CREB5: variants seen among roughly 807,000 people sequenced by gnomAD.
The protein encoded by CREB5 is cyclic AMP-responsive element-binding protein 5.
Under a neutral mutation model 57.1 loss-of-function variants are expected in CREB5, and 19 were observed. The ratio of observed to expected loss-of-function variants is 0.33; its 90% CI spans 0.23 to 0.49. CREB5 has a LOEUF of 0.49. Ranked by LOEUF, CREB5 falls within the 20% of genes least tolerant of loss-of-function variation. The probability of loss-of-function intolerance (pLI) is 0.99; values close to 1 mark genes in which losing one functional copy is unlikely to be tolerated. For missense variants in CREB5, 579 were observed against 671.6 expected (o/e 0.86, Z 1.52); for synonymous variants, 238 against 238.3 (o/e 1.00, Z 0.01).
At chr7:28,709,076 C>G (rs532962212) in intron 5 of CREB5, among the ~76,000 whole-genome samples, 1 of 152,156 alleles carries the variant, frequency 6.6e-6, no homozygotes, top group Non-Finnish European at 1.5e-5. Flanking sequence ...ATGTACAGCA[C>G]TTATTTGAGT....
chr7:28,445,620 C>G (rs1009666639), intron 1 of CREB5, among the ~76,000 whole-genome samples: 6 of 151,734 alleles, frequency 4.0e-5, no homozygotes. Flanking sequence ...GGCGCGATCT[C>G]GGCTCACTGC....
chr7:28,432,105 T>C (rs993953314), intron 1 of CREB5, among the ~76,000 whole-genome samples: 1 of 151,810 alleles, frequency 6.6e-6, no homozygotes, highest in Non-Finnish European at 1.5e-5. Flanking sequence ...TGGGCAAAGA[T>C]AAAAACATGC....
chr7:28,550,620 CCGCCT>C (rs1455909879), intron 4 of CREB5, among the ~76,000 whole-genome samples: 2 of 152,320 alleles, frequency 1.3e-5, no homozygotes, highest in East Asian at 3.9e-4. Flanking sequence ...CTCACCTTCT[CCGCCT>C]CCCACCTATA....
chr7:28,518,588 C>T (rs1343800732), intron 4 of CREB5, among the ~76,000 whole-genome samples: 2 of 152,182 alleles, frequency 1.3e-5, no homozygotes, highest in African/African-American at 4.8e-5. Context: ...GAAGCCTGGG[C>T]TTCTCAGTGC....
intron 4 of CREB5, among the ~76,000 whole-genome samples, chr7:28,567,702 G>A (rs950586697): frequency 6.6e-6 from 1 of 152,208 alleles, no homozygotes; most frequent in Non-Finnish European, 1.5e-5. Flanking sequence ...TGGAGGCAGG[G>A]CAAGGGCATT....
At chr7:28,624,882 G>A (rs528991230) in intron 5 of CREB5, among the ~76,000 whole-genome samples, 3 of 152,108 alleles carry the variant, frequency 2.0e-5, no homozygotes, top group Non-Finnish European at 4.4e-5. Context: ...GCAATCCTAG[G>A]TTCATGCCCA....
chr7:28,499,013 G>A (rs754346694), intron 3 of CREB5, among the ~76,000 whole-genome samples: 2 of 152,082 alleles, frequency 1.3e-5, no homozygotes, highest in African/African-American at 4.8e-5. Context: ...ATGATGCAAC[G>A]TTTGGTTTGA....
chr7:28,783,152 C>T (rs1273222206), intron 7 of CREB5, among the ~76,000 whole-genome samples: 3 of 152,140 alleles, frequency 2.0e-5, no homozygotes, highest in Admixed American at 1.3e-4. Context: ...AAAATACTCA[C>T]GTGCCTCACT....
At chr7:28,614,448 G>A (rs1283802679) in intron 5 of CREB5, among the ~76,000 whole-genome samples, 1 of 152,188 alleles carries the variant, frequency 6.6e-6, no homozygotes, top group African/African-American at 2.4e-5. Context: ...CCAAGACTAA[G>A]TGAGACTATG....
chr7:28,702,713 AAT>A (rs1801926069), intron 5 of CREB5, among the ~76,000 whole-genome samples: 1 of 152,198 alleles, frequency 6.6e-6, no homozygotes, highest in Admixed American at 6.5e-5. Flanking sequence ...CATACCTATT[AAT>A]ATGTTATTAG....
chr7:28,627,225 G>C (rs1382004787), intron 5 of CREB5, among the ~76,000 whole-genome samples: 1 of 152,246 alleles, frequency 6.6e-6, no homozygotes, highest in African/African-American at 2.4e-5. Flanking sequence ...GGTATTGTCA[G>C]CTTGGAGTTT....
At chr7:28,384,339 A>G (rs2127996532) in intron 1 of CREB5, among the ~76,000 whole-genome samples, 1 of 152,360 alleles carries the variant, frequency 6.6e-6, no homozygotes, top group South Asian at 2.1e-4. Flanking sequence ...ACAGTATGAC[A>G]GCTTTACAAC....
At chr7:28,612,261 G>A (rs1161356224) in intron 5 of CREB5, among the ~76,000 whole-genome samples, 1 of 151,898 alleles carries the variant, frequency 6.6e-6, no homozygotes, top group East Asian at 1.9e-4. Context: ...CCTATGTCCT[G>A]CATGGGGAAG....
chr7:28,366,725 G>T (rs1786595420), intron 1 of CREB5, among the ~76,000 whole-genome samples: 1 of 152,152 alleles, frequency 6.6e-6, no homozygotes, highest in South Asian at 2.1e-4. Flanking sequence ...ACATCCTTCT[G>T]CAAATCCTTG....
intron 2 of CREB5, among the ~76,000 whole-genome samples, chr7:28,490,334 T>G (rs1210635956): frequency 6.6e-6 from 1 of 152,208 alleles, no homozygotes. Context: ...TTAAGTTTAC[T>G]TGGGGAGGTA....
At chr7:28,593,580 C>A (rs1796599083) in intron 5 of CREB5, among the ~76,000 whole-genome samples, 1 of 152,184 alleles carries the variant, frequency 6.6e-6, no homozygotes, top group South Asian at 2.1e-4. Context: ...ATAGAAGATG[C>A]CTCCAGAAGA....
intron 1 of CREB5, among the ~76,000 whole-genome samples, chr7:28,437,354 ACTCT>A (rs1321968346): frequency 6.6e-6 from 1 of 150,650 alleles, no homozygotes; most frequent in Non-Finnish European, 1.5e-5. Context: ...GCCAGGATTC[ACTCT>A]CTGTCATGGG....
intron 5 of CREB5, among the ~76,000 whole-genome samples, chr7:28,678,904 A>G (rs1020419932): frequency 1.3e-5 from 2 of 152,222 alleles, no homozygotes; most frequent in African/African-American, 4.8e-5. Context: ...GTGTAAGAGA[A>G]GGTCAGTTAT....
chr7:28,668,583 G>A (rs933957552), intron 5 of CREB5, among the ~76,000 whole-genome samples: 3 of 152,272 alleles, frequency 2.0e-5, no homozygotes, highest in Non-Finnish European at 4.4e-5. Flanking sequence ...AATATAGTAA[G>A]GAAGGGAGAA....
Sources: allele counts gnomAD v4.1 joint callset (sites outside exome capture counted in the v4.1 genomes callset), GRCh38; gene constraint gnomAD v4.1.1; transcripts MANE v1.5; gene names NCBI Gene and HGNC (gene_info 2026-07-23, HGNC 2026-07-21).